The following ACACA variants were observed in gnomAD, a reference collection of about 807,000 sequenced individuals.
ACACA encodes the protein acetyl-CoA carboxylase alpha.
A neutral mutation model predicts 296.1 loss-of-function variants in ACACA; 103 were observed. The ratio of observed to expected loss-of-function variants is 0.35; its 90% CI spans 0.30 to 0.41. The LOEUF (loss-of-function observed/expected upper bound fraction) is 0.41, where lower values mean the gene tolerates loss of function less well. Among genes scored for constraint, ACACA ranks in the 10% least tolerant of loss-of-function variants. The pLI, the probability that ACACA is intolerant of heterozygous loss-of-function variation, is 1.00. For missense variants in ACACA, 1,554 were observed against 2,989.7 expected, an observed-to-expected ratio of 0.52 and a Z score of 11.20; for synonymous variants, 953 against 1,038.6, an observed-to-expected ratio of 0.92 and a Z score of 1.58.
At chr17:37,360,958 C>G (rs1036509204) in intron 1 of ACACA, among the ~76,000 whole-genome samples, 6 of 151,952 alleles carry the variant, frequency 3.9e-5, no homozygotes, top group African/African-American at 1.5e-4. Flanking sequence ...TTCAAAAGAA[C>G]TAAAAACCAT....
chr17:37,180,695 A>G (rs915490738), intron 40 of ACACA, among the ~76,000 whole-genome samples: 4 of 152,198 alleles, frequency 2.6e-5, no homozygotes, highest in African/African-American at 9.6e-5. Flanking sequence ...TTATTCAGCT[A>G]TAACAAATCT....
At chr17:37,208,819 A>G (rs1163857683) in intron 30 of ACACA, among the ~76,000 whole-genome samples, 1 of 152,184 alleles carries the variant, frequency 6.6e-6, no homozygotes, top group East Asian at 1.9e-4. Flanking sequence ...CTGACATGTT[A>G]CCAGCATACT....
At chr17:37,366,959 G>C (rs148322741) in intron 1 of ACACA, 4 of 152,112 alleles carry the variant, frequency 2.6e-5, no homozygotes, top group African/African-American at 9.6e-5. Flanking sequence ...GTTGTGGCAG[G>C]CACCTATAAT....
chr17:37,116,398 A>G (rs1283833030), intron 50 of ACACA, among the ~76,000 whole-genome samples: 1 of 152,208 alleles, frequency 6.6e-6, no homozygotes, highest in Non-Finnish European at 1.5e-5. Flanking sequence ...ACTTGAATAC[A>G]TGACTGAATA....
intron 1 of ACACA, among the ~76,000 whole-genome samples, chr17:37,381,874 G>T (rs755141492): frequency 1.3e-5 from 2 of 151,274 alleles, no homozygotes; most frequent in Non-Finnish European, 2.9e-5. Flanking sequence ...TGATCTGCCC[G>T]CCTTGGCCTC....
chr17:37,181,899 C>CA (rs2077335997), intron 39 of ACACA, among the ~76,000 whole-genome samples: 2 of 36,348 alleles, frequency 5.5e-5, no homozygotes, highest in Non-Finnish European at 8.5e-5. Flanking sequence ...GACTCTGTAT[C>CA]CAAAAAAAAA....
At chr17:37,211,256 C>G (rs1329609634) in intron 29 of ACACA, among the ~76,000 whole-genome samples, 1 of 152,176 alleles carries the variant, frequency 6.6e-6, no homozygotes, top group Non-Finnish European at 1.5e-5. Flanking sequence ...CTTAAAAACT[C>G]TAGGCCTCTC....
chr17:37,210,846 A>C (rs1416035745), intron 29 of ACACA, among the ~76,000 whole-genome samples: 2 of 152,000 alleles, frequency 1.3e-5, no homozygotes, highest in Non-Finnish European at 2.9e-5. Context: ...ATATTAACTC[A>C]AGCTTCAATA....
intron 16 of ACACA, among the ~76,000 whole-genome samples, chr17:37,248,934 T>G (rs2080847700): frequency 6.6e-6 from 1 of 152,178 alleles, no homozygotes. Flanking sequence ...GTTGGGGATA[T>G]TAACACTATT....
intron 10 of ACACA, among the ~76,000 whole-genome samples, chr17:37,268,717 C>CTATATA (rs1282437740): frequency 9.2e-6 from 1 of 108,638 alleles, no homozygotes; most frequent in African/African-American, 3.7e-5. Flanking sequence ...ATATCTATAT[C>CTATATA]TATCTATCTA....
intron 45 of ACACA, 68 bp downstream of exon 45, chr17:37,149,796 T>C: frequency 1.4e-6 from 2 of 1,393,716 alleles, no homozygotes; most frequent in Admixed American, 1.7e-5. Flanking sequence ...ATCAGGATCT[T>C]GAATTAAGAA....
At chr17:37,398,114 C>T (rs12451423) in intron 1 of ACACA, among the ~76,000 whole-genome samples, 23,750 of 150,320 alleles carry the variant, frequency 0.16, 2,138 homozygotes, top group East Asian at 0.25. Context: ...CCTGTACTCC[C>T]AGCTACTCAG....
rs2077614499 is a variant in ACACA, at chr17:37,188,279, G to C, written c.4774C>G (p.Gln1592Glu). 1.9e-6 allele frequency: 3 copies of C among 1,613,690 alleles called. No homozygotes were observed. Among genetic ancestry groups the C allele is most frequent in the Non-Finnish European group, 2.5e-6 (3 of 1,179,844 alleles). ...AGGAGCCTGTTTGAGTATTGTACCT[G>C]TGCTGTCCTGGAGTCAGTCACTTCC... ...YKEVTDSRTA[Q>E]IMFQAYGDKQ... Residue 1592 changes from glutamine (Q) to glutamate (E), a missense_variant and splice_region_variant, in exon 39 of 56, where the codon CAG becomes GAG. Physicochemically the swap from Gln to Glu is conservative, Grantham distance 29. Around this residue, in one of 16 missense-constraint regions of ACACA, gnomAD observed 553 missense variants for 1,043.6 expected, o/e 0.53. Transcript: ENST00000616317.
At chr17:37,395,695 A>G (rs2051057380) in intron 1 of ACACA, among the ~76,000 whole-genome samples, 1 of 152,050 alleles carries the variant, frequency 6.6e-6, no homozygotes, top group South Asian at 2.1e-4. Context: ...GGCATGCACC[A>G]CCATGCTCGG....
intron 1 of ACACA, among the ~76,000 whole-genome samples, chr17:37,390,327 T>TAG: frequency 1.3e-5 from 1 of 77,058 alleles, no homozygotes; most frequent in African/African-American, 6.0e-5. Context: ...TATATATATA[T>TAG]ATATATAAAA....
At chr17:37,389,281 C>G in intron 1 of ACACA, 1 of 1,597,052 alleles carries the variant, frequency 6.3e-7, no homozygotes, top group Non-Finnish European at 8.5e-7. Context: ...TGTGCCAATG[C>G]CAGTGGTTGT....
intron 50 of ACACA, among the ~76,000 whole-genome samples, chr17:37,117,433 C>T (rs2143005816): frequency 6.6e-6 from 1 of 152,174 alleles, no homozygotes; most frequent in Admixed American, 6.5e-5. Context: ...ACATGAAAAG[C>T]CAACTGAGAG....
chr17:37,255,161 T>C (rs552035592), intron 14 of ACACA, among the ~76,000 whole-genome samples: 6 of 151,810 alleles, frequency 4.0e-5, no homozygotes, highest in African/African-American at 1.4e-4. Flanking sequence ...AGCAGAGGTA[T>C]AAGGATAGGA....
intron 12 of ACACA, among the ~76,000 whole-genome samples, chr17:37,258,804 T>A (rs1598335126): frequency 2.0e-5 from 3 of 152,192 alleles, no homozygotes; most frequent in African/African-American, 7.2e-5. Flanking sequence ...ACCCAGAAGG[T>A]GTTCTCGATG....
Sources: gnomAD v4.1 joint callset for allele counts (sites outside exome capture counted in the v4.1 genomes callset) on GRCh38, gnomAD v4.1.1 for gene constraint, gnomAD v4.1.1 regional missense constraint, MANE v1.5 for transcripts, NCBI Gene and HGNC (gene_info 2026-07-23, HGNC 2026-07-21) for gene names.